ITGA6: variants seen among roughly 807,000 people sequenced by gnomAD.
ITGA6 encodes integrin alpha-6.
Under a neutral mutation model 133.6 loss-of-function variants are expected in ITGA6, and 63 were observed. That is an observed-to-expected ratio of 0.47 (90% CI 0.38 to 0.58). ITGA6 has a LOEUF of 0.58. ITGA6 is among the 20% of genes least tolerant of loss of function. ITGA6 has a pLI of 0.00. For missense variants in ITGA6, 1,068 were observed against 1,309.4 expected (o/e 0.82, Z 2.85); for synonymous variants, 434 against 482.0 (o/e 0.90, Z 1.30).
At chr2:172,463,379 C>T (rs562464962) in intron 1 of ITGA6, among the ~76,000 whole-genome samples, 1 of 152,200 alleles carries the variant, frequency 6.6e-6, no homozygotes, top group Admixed American at 6.5e-5. Flanking sequence ...AATCTCTTAC[C>T]CAGCCTTCAC....
At chr2:172,460,949 G>T (rs1457699626) in intron 1 of ITGA6, among the ~76,000 whole-genome samples, 4 of 152,196 alleles carry the variant, frequency 2.6e-5, no homozygotes, top group Non-Finnish European at 5.9e-5. Context: ...AAGCAAAGCT[G>T]CCATTGTTCT....
chr2:172,456,114 G>A (rs1361665050), intron 1 of ITGA6, among the ~76,000 whole-genome samples: 2 of 152,226 alleles, frequency 1.3e-5, no homozygotes, highest in Non-Finnish European at 2.9e-5. Context: ...GACATTCCCT[G>A]TTAATCACTG....
chr2:172,447,938 A>T (rs777657469), intron 1 of ITGA6, among the ~76,000 whole-genome samples: 7 of 152,158 alleles, frequency 4.6e-5, no homozygotes, highest in Admixed American at 2.0e-4. Context: ...CCTTTACTGC[A>T]TGAGCTCCCT....
chr2:172,496,161 G>A lies in ITGA6; in HGVS notation c.2989-1814G>A, dbSNP rs945997921. ...CACGTAACTATTCTATTGCTTCACTGGTCTGTCCCTGTTTCTTCTTCCCTT... is the reference window on the plus strand; with the variant it reads ...CACGTAACTATTCTATTGCTTCACTAGTCTGTCCCTGTTTCTTCTTCCCTT... On this transcript the variant is annotated intron_variant, in intron 23 of 25. Transcript: ENST00000684293. 1.1e-4 allele frequency among the ~76,000 whole-genome samples: 16 copies of A among 152,206 alleles called. 1 individual carries two copies. The highest frequency in any genetic ancestry group is 3.9e-4 in the African/African-American group (16 of 41,446).
chr2:172,471,393 G>A (rs1410600431), intron 5 of ITGA6, among the ~76,000 whole-genome samples: 1 of 152,184 alleles, frequency 6.6e-6, no homozygotes, highest in Non-Finnish European at 1.5e-5. Context: ...TGAGCTAATG[G>A]CAGCCTCCGT....
rs1687491573 is a variant in ITGA6, at chr2:172,504,789, GCTGTGTGAATAC to G, written c.*725_*736del. ...TCCTACCGTCTTTTCCTGTTTCCTAGCTGTGTGAATACCTGCTCACGTCAAATGCATACAAGT... is the reference window on the plus strand; with the variant it reads ...TCCTACCGTCTTTTCCTGTTTCCTAGCTGCTCACGTCAAATGCATACAAGT... On this transcript the variant is annotated 3_prime_UTR_variant, in exon 26 of 26. Coordinates refer to ENST00000684293, the MANE Select transcript of ITGA6 (RefSeq NM_000210.4). 6.5e-6 allele frequency: 1 copy of G among 152,736 alleles called. No individual in the cohort carries two copies. The allele number at this position is 152,736 out of a possible 1,614,324, so 9.5% of individuals were successfully genotyped here.
At chr2:172,428,049 G>C in intron 1 of ITGA6, 79 bp downstream of exon 1, 1 of 1,470,680 alleles carries the variant, frequency 6.8e-7, no homozygotes, top group Non-Finnish European at 9.1e-7. Flanking sequence ...CCCTGTTCCC[G>C]CCGGCCCCGG....
At chr2:172,488,280 G>A (rs1413001441) in intron 19 of ITGA6, 52 bp downstream of exon 19, 1 of 1,091,342 alleles carries the variant, frequency 9.2e-7, no homozygotes, top group Admixed American at 1.7e-5. Flanking sequence ...ACATATACTA[G>A]GTATGGTCTT....
intron 19 of ITGA6, 33 bp downstream of exon 19, chr2:172,488,261 C>T (rs775950041): frequency 7.7e-7 from 1 of 1,297,146 alleles, no homozygotes; most frequent in Non-Finnish European, 1.1e-6. Context: ...TTCATTATAC[C>T]AAAAGCTGAC....
intron 2 of ITGA6, 107 bp from the exon 3 acceptor site, chr2:172,467,374 T>G: frequency 1.3e-6 from 1 of 777,572 alleles, no homozygotes; most frequent in Non-Finnish European, 2.3e-6. Context: ...ATTGAGTAGC[T>G]AGACTCAGAG....
At chr2:172,469,859 TAGA>T (rs1685843741) in intron 4 of ITGA6, among the ~76,000 whole-genome samples, 1 of 152,194 alleles carries the variant, frequency 6.6e-6, no homozygotes, top group Admixed American at 6.5e-5. Flanking sequence ...TCAGTAGAGT[TAGA>T]AGGGCAGATT....
Position 172,505,417 on chromosome 2 carries a change from G to A in ITGA6, c.*1349G>A, listed in dbSNP as rs1427734676. ...TACCAAAACAGTTAATCAGTGAGTCGATGTTCTATTTTTTGTTTTGTTTCC... is the reference window on the plus strand; with the variant it reads ...TACCAAAACAGTTAATCAGTGAGTCAATGTTCTATTTTTTGTTTTGTTTCC... On this transcript the variant is annotated 3_prime_UTR_variant, in exon 26 of 26. Transcript: ENST00000684293. The A allele has an allele frequency of 1.3e-5, 2 of 152,098 alleles. No individual in the cohort carries two copies. The highest frequency in any genetic ancestry group is 3.9e-4 in the East Asian group (2 of 5,192). 9.4% of individuals were successfully genotyped at this position (152,098 alleles called of 1,614,324 possible). A position where few individuals can be genotyped will look rare whatever the true frequency, so the allele number is the denominator to read the frequency against.
rs373728387 is a variant in ITGA6, at chr2:172,472,842, C to A, written c.776-1213C>A. 6.8e-5 allele frequency: 110 copies of A among 1,612,504 alleles called. No individual in the cohort carries two copies. In the Admixed American group the frequency reaches 1.8e-3, roughly 27 times the overall value. On this transcript the variant is annotated intron_variant, in intron 5 of 25. Coordinates refer to ENST00000684293, the MANE Select transcript of ITGA6 (RefSeq NM_000210.4). ...GTTTGTTTATAAAACACGGCCTCCC[C>A]GGGAGCAGCCTGACACATTCCCTGA... is the stretch of plus-strand genomic sequence containing the variant.
chr2:172,492,873 C>G (rs1243715946), intron 23 of ITGA6, among the ~76,000 whole-genome samples: 2 of 152,078 alleles, frequency 1.3e-5, no homozygotes, highest in African/African-American at 4.8e-5. Context: ...ATATAGCAGT[C>G]CTTACGATTT....
intron 1 of ITGA6, among the ~76,000 whole-genome samples, chr2:172,458,456 T>G (rs1559128286): frequency 1.3e-5 from 2 of 151,660 alleles, no homozygotes; most frequent in Admixed American, 6.6e-5. Context: ...ACACTAGAAA[T>G]AAAAAAAATG....
intron 12 of ITGA6, 84 bp from the exon 13 acceptor site, chr2:172,485,037 C>T (rs1432807028): frequency 6.3e-7 from 1 of 1,593,116 alleles, no homozygotes; most frequent in East Asian, 2.2e-5. Context: ...CTGGCAACCT[C>T]TTAATCAATA....
chr2:172,469,047 A>T (rs1334229232), intron 3 of ITGA6, 78 bp from the exon 4 acceptor site: 2 of 1,466,780 alleles, frequency 1.4e-6, no homozygotes, highest in African/African-American at 1.4e-5. Flanking sequence ...CTCTGTATTG[A>T]CCATTTTATT....
At chr2:172,490,140 T>C (rs1055882307) in intron 20 of ITGA6, among the ~76,000 whole-genome samples, 1 of 152,232 alleles carries the variant, frequency 6.6e-6, no homozygotes, top group African/African-American at 2.4e-5. Flanking sequence ...GCTAAGCATT[T>C]TGTTTTCATT....
intron 13 of ITGA6, among the ~76,000 whole-genome samples, chr2:172,486,489 T>C (rs1400657721): frequency 1.3e-5 from 2 of 152,234 alleles, no homozygotes; most frequent in African/African-American, 2.4e-5. Flanking sequence ...GCTAGTATGC[T>C]GTTTGCTTAC....
Sources: allele counts gnomAD v4.1 joint callset (sites outside exome capture counted in the v4.1 genomes callset), GRCh38; gene constraint gnomAD v4.1.1; transcripts MANE v1.5; gene names NCBI Gene and HGNC (gene_info 2026-07-23, HGNC 2026-07-21).